RIC8B: variants seen among roughly 807,000 people sequenced by gnomAD.
The protein encoded by RIC8B is RIC8 guanine nucleotide exchange factor B.
RIC8B carries 16 observed loss-of-function variants against 57.5 expected under a neutral mutation model. The ratio of observed to expected loss-of-function variants is 0.28; its 90% CI spans 0.19 to 0.42. The LOEUF (loss-of-function observed/expected upper bound fraction) is 0.42, where lower values mean the gene tolerates loss of function less well. RIC8B is among the 10% of genes least tolerant of loss of function. RIC8B has a pLI of 1.00. For synonymous variants in RIC8B, 216 were observed against 250.8 expected (o/e 0.86, Z 1.31); for missense variants, 481 against 677.0 (o/e 0.71, Z 3.21).
chr12:106,847,260 G>A (rs1949238482), intron 6 of RIC8B, among the ~76,000 whole-genome samples: 1 of 152,142 alleles, frequency 6.6e-6, no homozygotes, highest in South Asian at 2.1e-4. Flanking sequence ...GAAATACATA[G>A]GCAGTTTGGG....
At chr12:106,843,626 G>T (rs1327240587) in intron 5 of RIC8B, among the ~76,000 whole-genome samples, 2 of 150,822 alleles carry the variant, frequency 1.3e-5, no homozygotes, top group South Asian at 2.1e-4. Flanking sequence ...GGAGGCTGAG[G>T]CAGGAGAATG....
chr12:106,800,017 G>A (rs2044658167), intron 2 of RIC8B, among the ~76,000 whole-genome samples: 1 of 152,154 alleles, frequency 6.6e-6, no homozygotes, highest in African/African-American at 2.4e-5. Flanking sequence ...CAGCTGCCAT[G>A]TCACTGTGTG....
intron 2 of RIC8B, among the ~76,000 whole-genome samples, chr12:106,803,215 CAAAAAAA>C (rs55853235): frequency 1.9e-4 from 16 of 84,000 alleles, no homozygotes; most frequent in Admixed American, 5.7e-4. Context: ...TACCCTGTCT[CAAAAAAA>C]AAAAAAAAAA....
At chr12:106,782,592 A>G (rs1326155822) in intron 1 of RIC8B, among the ~76,000 whole-genome samples, 3 of 152,146 alleles carry the variant, frequency 2.0e-5, no homozygotes, top group Admixed American at 6.6e-5. Context: ...TTTAAAATCC[A>G]TGCCCTTACC....
chr12:106,820,324 T>C (rs1015170596), intron 3 of RIC8B, among the ~76,000 whole-genome samples: 7 of 152,220 alleles, frequency 4.6e-5, no homozygotes, highest in African/African-American at 7.2e-5. Context: ...GAGTTTGCTT[T>C]CCATTCAGTG....
chr12:106,884,631 G>C (rs1264292954), intron 9 of RIC8B, among the ~76,000 whole-genome samples: 1 of 152,134 alleles, frequency 6.6e-6, no homozygotes, highest in Non-Finnish European at 1.5e-5. Context: ...CCTCAATTTA[G>C]CCTGTCAGAC....
intron 1 of RIC8B, among the ~76,000 whole-genome samples, chr12:106,779,249 T>G (rs1017463192): frequency 4.9e-5 from 7 of 141,722 alleles, no homozygotes; most frequent in Middle Eastern, 4.5e-3. Flanking sequence ...TTTTTTTTTT[T>G]GAGACAGAGT....
chr12:106,821,542 C>T (rs991332885), intron 3 of RIC8B, among the ~76,000 whole-genome samples: 2 of 152,140 alleles, frequency 1.3e-5, no homozygotes, highest in Non-Finnish European at 2.9e-5. Context: ...AGAGTATCTT[C>T]ATGACTTTAT....
intron 9 of RIC8B, among the ~76,000 whole-genome samples, chr12:106,872,728 G>A (rs904167756): frequency 2.0e-5 from 3 of 149,840 alleles, no homozygotes; most frequent in African/African-American, 7.4e-5. Flanking sequence ...GGAGAGGAAA[G>A]GTTAGCAAGG....
intron 1 of RIC8B, chr12:106,775,353 C>T (rs1343726117): frequency 4.4e-6 from 2 of 456,046 alleles, no homozygotes; most frequent in Admixed American, 2.3e-5. Context: ...GTATCATCCT[C>T]CCCATTTTAT....
chr12:106,864,639 A>G (rs1169669853), intron 8 of RIC8B, among the ~76,000 whole-genome samples: 2 of 152,158 alleles, frequency 1.3e-5, no homozygotes, highest in East Asian at 3.8e-4. Context: ...AGGCAAAGCA[A>G]GTTTTATTGT....
At chr12:106,781,244 C>T (rs2043750732) in intron 1 of RIC8B, among the ~76,000 whole-genome samples, 1 of 152,184 alleles carries the variant, frequency 6.6e-6, no homozygotes, top group East Asian at 1.9e-4. Flanking sequence ...GCCACCATGC[C>T]CGGCCAATTT....
intron 4 of RIC8B, among the ~76,000 whole-genome samples, chr12:106,830,767 A>G (rs374361569): frequency 3.5e-4 from 53 of 152,322 alleles, no homozygotes; most frequent in African/African-American, 1.0e-3. Context: ...CCCCTCATGC[A>G]CATATCTTGT....
At chr12:106,872,641 C>T (rs1389571594) in intron 9 of RIC8B, among the ~76,000 whole-genome samples, 1 of 139,490 alleles carries the variant, frequency 7.2e-6, no homozygotes, top group Non-Finnish European at 1.5e-5. Flanking sequence ...GCACTCCAGC[C>T]TGGTCAAACA....
intron 2 of RIC8B, among the ~76,000 whole-genome samples, chr12:106,785,807 CTCTCTCTG>C (rs1157913655): frequency 3.4e-4 from 44 of 127,840 alleles, no homozygotes; most frequent in African/African-American, 1.0e-3. Context: ...CTCTCTCTCT[CTCTCTCTG>C]TGTGTGTGTG....
rs1379963376 is a variant in RIC8B at position 106,834,970 on chromosome 12, C to T, written c.837-7619C>T. Among the ~76,000 whole-genome samples, 15 of 116,650 alleles carry T rather than the reference C, an allele frequency of 1.3e-4. 1 individual carries two copies. The highest frequency in any genetic ancestry group is 1.2e-4 in the Admixed American group (1 of 8,648). 76.5% of individuals were successfully genotyped at this position (116,650 alleles called of 152,430 possible). A position where few individuals can be genotyped will look rare whatever the true frequency, so the allele number is the denominator to read the frequency against. On this transcript the variant is annotated intron_variant, in intron 4 of 9. Transcript: ENST00000392837. ...GTGCACTCCAGCCTGGGCGACAGAG[C>T]GAGACTCTGTCTCAAAAAAAAAAAA...
At chr12:106,776,229 C>G (rs995036319) in intron 1 of RIC8B, among the ~76,000 whole-genome samples, 5 of 152,212 alleles carry the variant, frequency 3.3e-5, no homozygotes, top group African/African-American at 1.2e-4. Context: ...TCTATCTATT[C>G]ATATCTTAGC....
chr12:106,774,907 AC>A, intron 1 of RIC8B, 78 bp downstream of exon 1: 8 of 1,055,688 alleles, frequency 7.6e-6, no homozygotes, highest in Non-Finnish European at 1.1e-5. Context: ...ATCCTTCCCC[AC>A]CCCCCTCATT....
In RIC8B at chr12:106,888,108, T is replaced by G. The variant is rs1951255190; in HGVS notation, c.*2093T>G. 1 of 152,642 alleles carries G rather than the reference T, an allele frequency of 6.6e-6. No homozygotes were observed. The highest frequency in any genetic ancestry group is 6.5e-5 in the Admixed American group (1 of 15,286). 9.5% of individuals were successfully genotyped at this position (152,642 alleles called of 1,614,324 possible). On this transcript the variant is annotated 3_prime_UTR_variant, in exon 10 of 10. Coordinates refer to ENST00000392837, the MANE Select transcript of RIC8B (RefSeq NM_001330145.2). ...TTTCTATAATCAAATAGCTTTGGCATGCATGTCAGCTTACCTAAATGAAGA... is the reference window on the plus strand; with the variant it reads ...TTTCTATAATCAAATAGCTTTGGCAGGCATGTCAGCTTACCTAAATGAAGA...
Sources: gnomAD v4.1 joint callset for allele counts (sites outside exome capture counted in the v4.1 genomes callset) on GRCh38, gnomAD v4.1.1 for gene constraint, MANE v1.5 for transcripts, NCBI Gene and HGNC (gene_info 2026-07-23, HGNC 2026-07-21) for gene names.